MYPOP: variants seen among roughly 807,000 people sequenced by gnomAD.
The protein encoded by MYPOP is Myb related transcription factor, partner of profilin, also known as myb-related transcription factor, partner of profilin.
Under a neutral mutation model 25.7 loss-of-function variants are expected in MYPOP, and 21 were observed. The observed-to-expected ratio is 0.82, with a 90% CI of 0.58 to 1.18. The LOEUF is 1.18. MYPOP is among the 50% of genes most tolerant of loss of function. The pLI is 0.00. For missense variants in MYPOP, 566 were observed against 588.3 expected (o/e 0.96, Z 0.39); for synonymous variants, 280 against 247.9 (o/e 1.13, Z -1.22).
At chr19:45,897,727 G>C (rs149739729) in intron 2 of MYPOP, among the ~76,000 whole-genome samples, 260 of 151,284 alleles carry the variant, frequency 1.7e-3, no homozygotes, top group Middle Eastern at 6.8e-3. Context: ...GCTAATTTTT[G>C]GATTATTTTG....
intron 2 of MYPOP, among the ~76,000 whole-genome samples, chr19:45,896,472 C>G (rs1393865159): frequency 6.6e-6 from 1 of 152,178 alleles, no homozygotes; most frequent in African/African-American, 2.4e-5. Flanking sequence ...GTGATTCCAC[C>G]TAGTCTTCCC....
In MYPOP at chr19:45,901,385, C is replaced by A; in HGVS notation, c.389G>T (p.Gly130Val). ...CGCAGGGGGCTCCTCCGCCCCAGCA[C>A]CTGCCCCCGGCGCCGCCACACCTGG... ...LGPGVAAPGA[G>V]AGAEEPPAAP... Residue 130 changes from glycine (G) to valine (V), a missense_variant, in exon 2 of 3, where the codon GGT becomes GTT. Physicochemically the swap from Gly to Val is moderately radical, Grantham distance 109. Coordinates refer to ENST00000322217, the MANE Select transcript of MYPOP (RefSeq NM_001012643.4). The surrounding 1 kb of genome is among the most constrained non-coding windows in gnomAD (Gnocchi z 5.7). 2 of 1,508,978 alleles carry A rather than the reference C, an allele frequency of 1.3e-6. No homozygotes were observed. Among genetic ancestry groups the A allele is most frequent in the Non-Finnish European group, 1.8e-6 (2 of 1,128,072 alleles). The allele number at this position is 1,508,978 out of a possible 1,614,324, so 93.5% of individuals were successfully genotyped here. A position where few individuals can be genotyped will look rare whatever the true frequency, so the allele number is the denominator to read the frequency against.
At position 45,901,196 on chromosome 19, in the gene MYPOP, G is replaced by C; in HGVS notation, c.499+79C>G. 1.5e-6 allele frequency: 2 copies of C among 1,304,378 alleles called. No individual in the cohort carries two copies. The highest frequency in any genetic ancestry group is 2.0e-6 in the Non-Finnish European group (2 of 1,002,092). 80.8% of individuals were successfully genotyped at this position (1,304,378 alleles called of 1,614,324 possible). The stretch of plus-strand genomic sequence containing the variant: ...GGCGAAGGACAGCATCCACCTCACA[G>C]GGCTGCAGCAAGGCTTTGATGAGAC... On this transcript the variant is annotated intron_variant, in intron 2 of 2. Transcript: ENST00000322217. The surrounding 1 kb of genome is among the most constrained non-coding windows in gnomAD (Gnocchi z 5.7).
Position 45,901,747 on chromosome 19 carries a change from C to G in MYPOP, c.27G>C (p.Ala9=), listed in dbSNP as rs1967299162. The change falls in exon 2 of 3, where the codon GCG becomes GCC. Residue 9 remains alanine (A), a synonymous_variant. Coordinates refer to ENST00000322217, the MANE Select transcript of MYPOP (RefSeq NM_001012643.4). The surrounding 1 kb of genome is among the most constrained non-coding windows in gnomAD (Gnocchi z 5.7). The stretch of plus-strand genomic sequence containing the variant: ...GCTTGCGCAACCGGGTGGTTTCCTC[C>G]GCTTCGCCCGCCGCCGCCGAGGCCA... The part of the protein sequence containing the change: MASAAAGE[A]EETTRLRKPR... 2.7e-6 allele frequency: 4 copies of G among 1,494,934 alleles called. No individual in the cohort carries two copies. Among genetic ancestry groups the G allele is most frequent in the Non-Finnish European group, 3.6e-6 (4 of 1,125,044 alleles). 92.6% of individuals were successfully genotyped at this position (1,494,934 alleles called of 1,614,324 possible). A position where few individuals can be genotyped will look rare whatever the true frequency, so the allele number is the denominator to read the frequency against.
Position 45,896,372 on chromosome 19 carries a change from G to T in MYPOP, c.499+4903C>A, listed in dbSNP as rs149427763. Among the ~76,000 whole-genome samples, 10 of 152,296 alleles carry T rather than the reference G, an allele frequency of 6.6e-5. No individual in the cohort carries two copies. In the East Asian group the frequency reaches 1.9e-3, roughly 29 times the overall value. ...AGCCTCCCTGGGCCAGCCACCAGCA[G>T]GAGGTAGGGAGGCTGGGAGACAGAT... On this transcript the variant is annotated intron_variant, in intron 2 of 2. Coordinates refer to ENST00000322217, the MANE Select transcript of MYPOP (RefSeq NM_001012643.4).
At position 45,891,275 on chromosome 19, in the gene MYPOP, G is replaced by C. The variant is rs201707738; in HGVS notation, c.548C>G (p.Ala183Gly). 522 of 1,551,182 alleles carry C rather than the reference G, an allele frequency of 3.4e-4. 1 individual carries two copies. The highest frequency in any genetic ancestry group is 4.3e-4 in the Non-Finnish European group (500 of 1,155,160). Residue 183 changes from alanine (A) to glycine (G), a missense_variant, in exon 3 of 3, where the codon GCC becomes GGC. Ala to Gly is a moderately conservative substitution (Grantham distance 60). Transcript: ENST00000322217. ...TTCCTGGGGAGTGCAGGAGGGCCGG[G>C]CCCATGGCTCCGGGCTGCTGGAGCC... ...KAGSSSPEPW[A>G]RPSCTPQEGG...
intron 2 of MYPOP, among the ~76,000 whole-genome samples, chr19:45,892,440 T>C (rs980887722): frequency 2.0e-5 from 3 of 152,154 alleles, no homozygotes; most frequent in African/African-American, 7.2e-5. Context: ...TCATTCATGC[T>C]CATGGGCTTG....
Position 45,901,749 on chromosome 19 carries a change from C to T in MYPOP, c.25G>A (p.Ala9Thr), listed in dbSNP as rs1333287398. 1.3e-6 allele frequency: 2 copies of T among 1,492,062 alleles called. No homozygotes were observed. The highest frequency in any genetic ancestry group is 1.8e-6 in the Non-Finnish European group (2 of 1,123,444). The allele number at this position is 1,492,062 out of a possible 1,614,324, so 92.4% of individuals were successfully genotyped here. The change falls in exon 2 of 3, where the codon GCG becomes ACG. Residue 9 changes from alanine to threonine, a missense_variant. Ala to Thr is a moderately conservative substitution (Grantham distance 58). Transcript: ENST00000322217. This position sits in a 1 kb window ranked among gnomAD's most constrained non-coding sequence, Gnocchi z 5.7. MASAAAGE[A>T]EETTRLRKPR... is the part of the protein sequence containing the mutation. Reference sequence around the variant, plus strand: ...TTGCGCAACCGGGTGGTTTCCTCCGCTTCGCCCGCCGCCGCCGAGGCCATG... The same window carrying T: ...TTGCGCAACCGGGTGGTTTCCTCCGTTTCGCCCGCCGCCGCCGAGGCCATG...
intron 2 of MYPOP, among the ~76,000 whole-genome samples, chr19:45,900,459 C>A (rs1040258266): frequency 6.8e-6 from 1 of 146,612 alleles, no homozygotes; most frequent in Non-Finnish European, 1.5e-5. Flanking sequence ...ACCCCCCCCC[C>A]CACCGAAATC....
At chr19:45,900,289 T>TC (rs1967267972) in intron 2 of MYPOP, among the ~76,000 whole-genome samples, 1 of 152,164 alleles carries the variant, frequency 6.6e-6, no homozygotes, top group Non-Finnish European at 1.5e-5. Context: ...TACACTCTTT[T>TC]CCCCGCAACT....
At chr19:45,894,054 G>GAGC (rs1967166147) in intron 2 of MYPOP, among the ~76,000 whole-genome samples, 1 of 151,652 alleles carries the variant, frequency 6.6e-6, no homozygotes, top group African/African-American at 2.4e-5. Flanking sequence ...CTCCCAAAGT[G>GAGC]CTGGGATTAC....
At chr19:45,902,124 C>T (rs928801962) in intron 1 of MYPOP, among the ~76,000 whole-genome samples, 1 of 137,338 alleles carries the variant, frequency 7.3e-6, no homozygotes, top group Non-Finnish European at 1.5e-5. Flanking sequence ...GAGGTGTCTG[C>T]AGGAGTTAGA....
At chr19:45,894,109 T>TTTTA (rs1217772470) in intron 2 of MYPOP, among the ~76,000 whole-genome samples, 2 of 148,886 alleles carry the variant, frequency 1.3e-5, no homozygotes, top group Non-Finnish European at 3.0e-5. Flanking sequence ...TATTTTTAAT[T>TTTTA]TTTATTTATT....
chr19:45,896,576 G>A (rs1233331272), intron 2 of MYPOP, among the ~76,000 whole-genome samples: 1 of 151,882 alleles, frequency 6.6e-6, no homozygotes, highest in Non-Finnish European at 1.5e-5. Context: ...AGAGTGATAT[G>A]CAGAAAAGGG....
intron 2 of MYPOP, among the ~76,000 whole-genome samples, chr19:45,897,680 T>A (rs926735067): frequency 6.6e-6 from 1 of 151,108 alleles, no homozygotes; most frequent in African/African-American, 2.4e-5. Flanking sequence ...CTCAACCTCA[T>A]GTGTAGCTGG....
chr19:45,900,276 C>T (rs190323470), intron 2 of MYPOP, among the ~76,000 whole-genome samples: 3 of 152,314 alleles, frequency 2.0e-5, no homozygotes, highest in Admixed American at 2.0e-4. Context: ...AACCTTTCCA[C>T]TCTACACTCT....
chr19:45,894,124 AT>A (rs1967167674), intron 2 of MYPOP, among the ~76,000 whole-genome samples: 1 of 118,258 alleles, frequency 8.5e-6, no homozygotes, highest in Non-Finnish European at 1.8e-5. Context: ...TTTATTTTTT[AT>A]TTTTTGAGAC....
Position 45,891,072 on chromosome 19 carries a change from G to C in MYPOP, c.751C>G (p.Pro251Ala), listed in dbSNP as rs1282195962. Residue 251 changes from proline to alanine, a missense_variant, in exon 3 of 3, where the codon CCC becomes GCC. Pro to Ala is a conservative substitution (Grantham distance 27, BLOSUM62 -1). Coordinates refer to ENST00000322217, the MANE Select transcript of MYPOP (RefSeq NM_001012643.4). ...GAGGGGTCTGAGGCCGAGAGCGTGG[G>C]TGGAGGCCGAGGAGGGGGTGGGGGG... ...PSPPPPPRPP[P>A]TLSASDPSLD... is the part of the protein sequence containing the mutation. The C allele has an allele frequency of 6.7e-7, 1 of 1,488,546 alleles. No individual in the cohort carries two copies. The highest frequency in any genetic ancestry group is 2.5e-5 in the East Asian group (1 of 39,806). 92.2% of individuals were successfully genotyped at this position (1,488,546 alleles called of 1,614,324 possible).
At chr19:45,899,824 G>C (rs1967261076) in intron 2 of MYPOP, among the ~76,000 whole-genome samples, 1 of 152,166 alleles carries the variant, frequency 6.6e-6, no homozygotes, top group African/African-American at 2.4e-5. Flanking sequence ...CTGGGCAACA[G>C]AGCAAGACTC....
Sources: allele counts gnomAD v4.1 joint callset (sites outside exome capture counted in the v4.1 genomes callset), GRCh38; gene constraint gnomAD v4.1.1; non-coding constraint Gnocchi (gnomAD v3.1); transcripts MANE v1.5; gene names NCBI Gene and HGNC (gene_info 2026-07-23, HGNC 2026-07-21).